GPR137B: variants seen among roughly 807,000 people sequenced by gnomAD.
GPR137B encodes the protein integral membrane protein GPR137B.
Under a neutral mutation model 42.5 loss-of-function variants are expected in GPR137B, and 42 were observed. That is an observed-to-expected ratio of 0.99 (90% CI 0.77 to 1.28). The LOEUF is 1.28. GPR137B is among the 50% of genes most tolerant of loss of function. The probability of loss-of-function intolerance (pLI) is 0.00; values close to 1 mark genes in which losing one functional copy is unlikely to be tolerated. For synonymous variants in GPR137B, 218 were observed against 209.7 expected, an observed-to-expected ratio of 1.04 and a Z score of -0.34; for missense variants, 487 against 493.9, an observed-to-expected ratio of 0.99 and a Z score of 0.13.
At position 236,178,553 on chromosome 1, in the gene GPR137B, T is replaced by G. The variant is rs773621305; in HGVS notation, c.604T>G (p.Phe202Val). The G allele has an allele frequency of 3.7e-6, 6 of 1,613,266 alleles. No homozygotes were observed. The South Asian group carries it at 5.5e-5, about 15-fold the overall frequency. Reference sequence around the variant, plus strand: ...GCGAGTGGCCATTAATGACACGCTCTTCGTGCTGTGTGCCGTCTCTCTCTC... The same window carrying G: ...GCGAGTGGCCATTAATGACACGCTCGTCGTGCTGTGTGCCGTCTCTCTCTC... The part of the protein sequence containing the change: ...SVRVAINDTL[F>V]VLCAVSLSIC... Residue 202 changes from phenylalanine (F) to valine (V), a missense_variant, in exon 3 of 7, where the codon TTC becomes GTC. Coordinates refer to ENST00000366592, the MANE Select transcript of GPR137B (RefSeq NM_003272.4).
At chr1:236,147,651 T>G (rs1349494682) in intron 1 of GPR137B, among the ~76,000 whole-genome samples, 4 of 152,156 alleles carry the variant, frequency 2.6e-5, no homozygotes, top group African/African-American at 9.7e-5. Context: ...TCCAAGTGCC[T>G]GGTGCCTCCA....
At chr1:236,188,099 A>G (rs1200281620) in intron 5 of GPR137B, among the ~76,000 whole-genome samples, 2 of 152,098 alleles carry the variant, frequency 1.3e-5, no homozygotes, top group Non-Finnish European at 2.9e-5. Flanking sequence ...GCAGTTGTGA[A>G]TGGGAGTTCA....
intron 1 of GPR137B, among the ~76,000 whole-genome samples, chr1:236,154,022 C>CT (rs1661943825): frequency 6.6e-6 from 1 of 152,162 alleles, no homozygotes; most frequent in African/African-American, 2.4e-5. Flanking sequence ...GGTCCTGCTC[C>CT]TAGGGCCCCT....
chr1:236,149,003 C>T (rs543567682), intron 1 of GPR137B, among the ~76,000 whole-genome samples: 10 of 152,174 alleles, frequency 6.6e-5, no homozygotes, highest in East Asian at 5.8e-4. Flanking sequence ...AAGGAGATGC[C>T]GTGTGTCCTG....
intron 4 of GPR137B, among the ~76,000 whole-genome samples, chr1:236,183,476 T>C (rs1662938320): frequency 6.6e-6 from 1 of 152,174 alleles, no homozygotes; most frequent in Non-Finnish European, 1.5e-5. Context: ...AGTTTCTGTC[T>C]TTGAATATTT....
chr1:236,203,312 C>A (rs1255390654), intron 5 of GPR137B, among the ~76,000 whole-genome samples: 1 of 152,064 alleles, frequency 6.6e-6, no homozygotes, highest in Non-Finnish European at 1.5e-5. Flanking sequence ...CTCCTGACCT[C>A]ATGATCTGCC....
chr1:236,150,233 A>C lies in GPR137B; in HGVS notation c.414+7197A>C, dbSNP rs1406799060. ...TGTCTGTGCCTGTGTGTGCCTGTGTATGTCTGTGCCCGTGTGTGTGCCTGT... is the reference window on the plus strand; with the variant it reads ...TGTCTGTGCCTGTGTGTGCCTGTGTCTGTCTGTGCCCGTGTGTGTGCCTGT... On this transcript the variant is annotated intron_variant, in intron 1 of 6. Coordinates refer to ENST00000366592, the MANE Select transcript of GPR137B (RefSeq NM_003272.4). The surrounding 1 kb of genome is among the most constrained non-coding windows in gnomAD (Gnocchi z 6.2). Among the ~76,000 whole-genome samples the C allele has an allele frequency of 1.1e-5, 1 of 87,690 alleles. No homozygotes were observed. 57.5% of individuals were successfully genotyped at this position (87,690 alleles called of 152,430 possible). A position where few individuals can be genotyped will look rare whatever the true frequency, so the allele number is the denominator to read the frequency against.
chr1:236,161,153 T>C (rs1223161972), intron 1 of GPR137B, among the ~76,000 whole-genome samples: 3 of 152,028 alleles, frequency 2.0e-5, no homozygotes, highest in African/African-American at 7.3e-5. Flanking sequence ...ATTTTCACCT[T>C]CTCTGTCAAC....
At position 236,156,567 on chromosome 1, in the gene GPR137B, A is replaced by C. The variant is rs1381297558; in HGVS notation, c.415-12139A>C. 6.6e-6 allele frequency among the ~76,000 whole-genome samples: 1 copy of C among 152,176 alleles called. No individual in the cohort carries two copies. Among genetic ancestry groups the C allele is most frequent in the Non-Finnish European group, 1.5e-5 (1 of 68,026 alleles). On this transcript the variant is annotated intron_variant, in intron 1 of 6. Transcript: ENST00000366592. The surrounding 1 kb of genome is among the most constrained non-coding windows in gnomAD (Gnocchi z 4.8). ...GCATAGAGGCCCCGCCCTTGCTCGC[A>C]CTGTCTTGGAGACTGAGCCTCAAAT...
At chr1:236,189,882 C>T (rs1349433135) in intron 5 of GPR137B, among the ~76,000 whole-genome samples, 1 of 152,118 alleles carries the variant, frequency 6.6e-6, no homozygotes, top group Non-Finnish European at 1.5e-5. Flanking sequence ...AATTACATGT[C>T]TCATTTATCT....
Position 236,142,932 on chromosome 1 carries a change from G to A in GPR137B, c.310G>A (p.Val104Met). 3.1e-6 allele frequency: 5 copies of A among 1,614,172 alleles called. No individual in the cohort carries two copies. Among genetic ancestry groups the A allele is most frequent in the Non-Finnish European group, 4.2e-6 (5 of 1,180,002 alleles). ...CTTCTCCTTCTACTTCAAAGACTTC[G>A]TGGCGGCCAATTCGCTCAGCCCCTT... is the stretch of plus-strand genomic sequence containing the variant. ...VLFSFYFKDF[V>M]AANSLSPFVF... Residue 104 changes from valine (V) to methionine (M), a missense_variant, in exon 1 of 7, where the codon GTG becomes ATG. Coordinates refer to ENST00000366592, the MANE Select transcript of GPR137B (RefSeq NM_003272.4).
chr1:236,206,345 C>T (rs1299249712), intron 6 of GPR137B, among the ~76,000 whole-genome samples: 1 of 152,114 alleles, frequency 6.6e-6, no homozygotes, highest in African/African-American at 2.4e-5. Flanking sequence ...CAGTTTTGTT[C>T]AAATTTGTTT....
intron 1 of GPR137B, among the ~76,000 whole-genome samples, chr1:236,148,162 T>A (rs550186893): frequency 1.3e-5 from 2 of 152,368 alleles, no homozygotes; most frequent in South Asian, 4.1e-4. Flanking sequence ...GGCAGGACTC[T>A]GAAACCTAAG....
rs1380283913 is a variant in GPR137B at position 236,171,014 on chromosome 1, A to G, written c.464+2259A>G. ...AGGAAAAAGATATTTTTGTATACAT[A>G]ATGAGAGATGGGGGGATTGGATGGG... is the stretch of plus-strand genomic sequence containing the variant. On this transcript the variant is annotated intron_variant, in intron 2 of 6. Transcript: ENST00000366592. The surrounding 1 kb of genome is among the most constrained non-coding windows in gnomAD (Gnocchi z 4.4). Among the ~76,000 whole-genome samples the G allele has an allele frequency of 1.3e-5, 2 of 152,040 alleles. No homozygotes were observed. Among genetic ancestry groups the G allele is most frequent in the African/African-American group, 2.4e-5 (1 of 41,406 alleles).
At chr1:236,193,613 G>A (rs756224026) in intron 5 of GPR137B, among the ~76,000 whole-genome samples, 4 of 152,098 alleles carry the variant, frequency 2.6e-5, no homozygotes, top group Non-Finnish European at 5.9e-5. Flanking sequence ...ATATTTCTCT[G>A]ATGACTAAGT....
At chr1:236,154,278 G>A (rs1661950116) in intron 1 of GPR137B, among the ~76,000 whole-genome samples, 1 of 137,126 alleles carries the variant, frequency 7.3e-6, no homozygotes, top group Non-Finnish European at 1.5e-5. Flanking sequence ...GAAGGGTGGT[G>A]CTGGGTAACT....
At chr1:236,206,781 C>T (rs766221796) in intron 6 of GPR137B, among the ~76,000 whole-genome samples, 17 of 152,152 alleles carry the variant, frequency 1.1e-4, no homozygotes, top group Non-Finnish European at 1.5e-4. Context: ...TACTCCACTA[C>T]CCGATGACTA....
chr1:236,185,670 C>G (rs1662999150), intron 5 of GPR137B, among the ~76,000 whole-genome samples: 1 of 152,162 alleles, frequency 6.6e-6, no homozygotes, highest in African/African-American at 2.4e-5. Flanking sequence ...ATTCTCTTGC[C>G]TTAGTCTTGC....
chr1:236,176,628 C>T (rs764853541), intron 2 of GPR137B, among the ~76,000 whole-genome samples: 2 of 152,134 alleles, frequency 1.3e-5, no homozygotes, highest in Admixed American at 6.6e-5. Flanking sequence ...TCCCCTGTGA[C>T]GGGTCGTTTT....
Sources: allele counts gnomAD v4.1 joint callset (sites outside exome capture counted in the v4.1 genomes callset), GRCh38; gene constraint gnomAD v4.1.1; non-coding constraint Gnocchi (gnomAD v3.1); transcripts MANE v1.5; gene names NCBI Gene and HGNC (gene_info 2026-07-23, HGNC 2026-07-21).